CDH13: variants seen among roughly 807,000 people sequenced by gnomAD.
CDH13 encodes the protein cadherin 13.
In CDH13, 24 loss-of-function variants were observed where a neutral mutation model predicts 63.8. The observed-to-expected ratio is 0.38, with a 90% CI of 0.27 to 0.53. CDH13 has a LOEUF of 0.53. Ranked by LOEUF, CDH13 falls within the 20% of genes least tolerant of loss-of-function variation. The pLI is 0.85. For synonymous variants in CDH13, 503 were observed against 355.3 expected (o/e 1.42, Z -4.67); for missense variants, 1,049 against 903.1 (o/e 1.16, Z -2.07).
At position 83,174,790 on chromosome 16, in the gene CDH13, T is replaced by A. The variant is rs2038060846; in HGVS notation, c.484-42555T>A. Among the ~76,000 whole-genome samples the A allele has an allele frequency of 2.0e-5, 3 of 151,964 alleles. No homozygotes were observed. In the South Asian group the frequency reaches 6.3e-4, roughly 32 times the overall value. ...GAGGCCTTAGGAAACTTAACAATCA[T>A]GGCAGAATGTGAAGGAGAAACAAGG... is the stretch of plus-strand genomic sequence containing the variant. On this transcript the variant is annotated intron_variant, in intron 4 of 13. Transcript: ENST00000567109.
intron 3 of CDH13, among the ~76,000 whole-genome samples, chr16:83,088,992 T>A: frequency 6.6e-6 from 1 of 152,174 alleles, no homozygotes; most frequent in Admixed American, 6.5e-5. Context: ...AATTGAGTAG[T>A]TGCAATACAA....
chr16:83,776,989 T>C (rs924348786), intron 11 of CDH13, among the ~76,000 whole-genome samples: 4 of 151,880 alleles, frequency 2.6e-5, no homozygotes, highest in Non-Finnish European at 5.9e-5. Flanking sequence ...AAGGGGTCGT[T>C]AGCACAATCA....
intron 2 of CDH13, among the ~76,000 whole-genome samples, chr16:82,943,987 C>T (rs1904415707): frequency 6.6e-6 from 1 of 152,166 alleles, no homozygotes; most frequent in Non-Finnish European, 1.5e-5. Flanking sequence ...GTCTGGCTTC[C>T]ACTGCAGTGA....
intron 3 of CDH13, among the ~76,000 whole-genome samples, chr16:83,123,267 T>C (rs527348464): frequency 1.4e-4 from 21 of 151,892 alleles, no homozygotes; most frequent in African/African-American, 4.6e-4. Flanking sequence ...TATATATATA[T>C]ATATCCCACA....
chr16:83,416,126 T>C (rs939887435), intron 6 of CDH13, among the ~76,000 whole-genome samples: 4 of 152,048 alleles, frequency 2.6e-5, no homozygotes, highest in African/African-American at 9.7e-5. Flanking sequence ...AAAAAGGAAA[T>C]CAAGAAAACA....
At chr16:83,532,752 A>T (rs149639859) in intron 7 of CDH13, among the ~76,000 whole-genome samples, 251 of 152,162 alleles carry the variant, frequency 1.6e-3, no homozygotes, top group Non-Finnish European at 2.9e-3. Flanking sequence ...GCTGGTCCGG[A>T]CTTGAGCGAT....
rs77019005 is a variant in CDH13 at position 83,437,332 on chromosome 16, G to A, written c.782-49145G>A. The stretch of plus-strand genomic sequence containing the variant: ...TGAAATGAATTAATATCCATAAAGC[G>A]TTTAGAACAGGGAACGTACTCAGCT... On this transcript the variant is annotated intron_variant, in intron 6 of 13. Transcript: ENST00000567109. Among the ~76,000 whole-genome samples the A allele has an allele frequency of 8.5e-5, 13 of 152,180 alleles. 1 individual carries two copies. The highest frequency in any genetic ancestry group is 5.8e-4 in the East Asian group (3 of 5,182).
chr16:82,646,683 G>T (rs370405591), intron 1 of CDH13, among the ~76,000 whole-genome samples: 1 of 152,142 alleles, frequency 6.6e-6, no homozygotes, highest in Non-Finnish European at 1.5e-5. Flanking sequence ...GGTGCATCTT[G>T]TCATCATCCC....
chr16:83,636,870 C>T (rs1911311307), intron 8 of CDH13, among the ~76,000 whole-genome samples: 1 of 152,196 alleles, frequency 6.6e-6, no homozygotes, highest in Non-Finnish European at 1.5e-5. Flanking sequence ...AATCTACATT[C>T]CCACCAGCAG....
At chr16:83,232,082 G>T (rs542335128) in intron 5 of CDH13, among the ~76,000 whole-genome samples, 2 of 152,102 alleles carry the variant, frequency 1.3e-5, no homozygotes, top group South Asian at 4.2e-4. Flanking sequence ...AGAGGATCAG[G>T]AAACATAACT....
At position 82,974,040 on chromosome 16, in the gene CDH13, C is replaced by T. The variant is rs566793032; in HGVS notation, c.158-57970C>T. 2.0e-5 allele frequency among the ~76,000 whole-genome samples: 3 copies of T among 152,262 alleles called. No homozygotes were observed. The South Asian group carries it at 6.2e-4, about 32-fold the overall frequency. ...GTTCTAGCGATTCTCCTGCCTCAGC[C>T]TCCCAAGTAATCCCTGGGATTACGG... On this transcript the variant is annotated intron_variant, in intron 2 of 13. Transcript: ENST00000567109.
chr16:83,557,086 G>A (rs1361956749), intron 7 of CDH13, among the ~76,000 whole-genome samples: 1 of 152,198 alleles, frequency 6.6e-6, no homozygotes, highest in Non-Finnish European at 1.5e-5. Context: ...TACTTCCTGA[G>A]CTCCTCCTCC....
At chr16:83,102,270 A>T (rs1045690542) in intron 3 of CDH13, among the ~76,000 whole-genome samples, 3 of 152,244 alleles carry the variant, frequency 2.0e-5, no homozygotes, top group African/African-American at 7.2e-5. Context: ...GAAATGTAAG[A>T]TAATAAATGT....
intron 2 of CDH13, among the ~76,000 whole-genome samples, chr16:82,975,006 A>G (rs987312953): frequency 2.0e-5 from 3 of 152,108 alleles, no homozygotes; most frequent in Non-Finnish European, 4.4e-5. Context: ...CCAGGCCCAC[A>G]TTTCTGATAG....
chr16:83,061,174 G>A (rs980928485), intron 3 of CDH13, among the ~76,000 whole-genome samples: 2 of 152,168 alleles, frequency 1.3e-5, no homozygotes, highest in African/African-American at 2.4e-5. Context: ...TGGACCTAGG[G>A]CCCAGGTTTC....
chr16:83,093,294 CTTTTTTTTTTTTTTTTTTTT>C lies in CDH13; in HGVS notation c.367-32072_367-32053del, dbSNP rs549590536. 1.2e-3 allele frequency among the ~76,000 whole-genome samples: 41 copies of C among 35,330 alleles called. 2 individuals carry two copies. In the Admixed American group the frequency reaches 0.012, roughly 11 times the overall value. The allele number at this position is 35,330 out of a possible 152,430, so 23.2% of individuals were successfully genotyped here. On this transcript the variant is annotated intron_variant, in intron 3 of 13. Transcript: ENST00000567109. ...TTGTCCTGTGGAAACACCATAAGTA[CTTTTTTTTTTTTTTTTTTTT>C]TTTTTTTTTTTTTTTTTTGAGGTGG...
At chr16:83,363,956 C>G (rs1200924333) in intron 6 of CDH13, among the ~76,000 whole-genome samples, 1 of 152,094 alleles carries the variant, frequency 6.6e-6, no homozygotes, top group Admixed American at 6.5e-5. Context: ...AGTTTGTGAG[C>G]AATTTTGGGA....
At chr16:83,478,738 C>G (rs1396480512) in intron 6 of CDH13, among the ~76,000 whole-genome samples, 1 of 151,780 alleles carries the variant, frequency 6.6e-6, no homozygotes, top group Non-Finnish European at 1.5e-5. Flanking sequence ...TCCTCCTACC[C>G]TCAGAGTACA....
chr16:83,253,827 G>A (rs889724), intron 5 of CDH13, among the ~76,000 whole-genome samples: 14,050 of 152,244 alleles, frequency 0.092, 702 homozygotes, highest in Middle Eastern at 0.11. Flanking sequence ...GCACATCCAT[G>A]TAATATATTA....
Sources: gnomAD v4.1 joint callset for allele counts (sites outside exome capture counted in the v4.1 genomes callset) on GRCh38, gnomAD v4.1.1 for gene constraint, MANE v1.5 for transcripts, NCBI Gene and HGNC (gene_info 2026-07-23, HGNC 2026-07-21) for gene names.